The following IARS1 variants were observed in gnomAD, a reference collection of about 807,000 sequenced individuals.
The protein encoded by IARS1 is isoleucyl-tRNA synthetase 1.
IARS1 carries 124 observed loss-of-function variants against 168.2 expected under a neutral mutation model. That is an observed-to-expected ratio of 0.74 (90% CI 0.64 to 0.86). IARS1 has a LOEUF of 0.86. Ranked by LOEUF, IARS1 falls within the 40% of genes least tolerant of loss-of-function variation. IARS1 has a pLI of 0.00. For synonymous variants in IARS1, 532 were observed against 529.4 expected, an observed-to-expected ratio of 1.00 and a Z score of -0.07; for missense variants, 1,452 against 1,515.8, an observed-to-expected ratio of 0.96 and a Z score of 0.70.
chr9:92,249,538 C>G (rs1398882983), intron 25 of IARS1, among the ~76,000 whole-genome samples: 1 of 151,804 alleles, frequency 6.6e-6, no homozygotes, highest in Non-Finnish European at 1.5e-5. Flanking sequence ...GAGTGAGAGA[C>G]TCTGTCGAAA....
At chr9:92,289,988 T>C (rs921062654) in intron 1 of IARS1, among the ~76,000 whole-genome samples, 2 of 152,246 alleles carry the variant, frequency 1.3e-5, no homozygotes, top group African/African-American at 4.8e-5. Flanking sequence ...TTCCACTTTT[T>C]GGTTATTACG....
chr9:92,267,848 T>C (rs1473306150), intron 14 of IARS1, among the ~76,000 whole-genome samples: 1 of 152,186 alleles, frequency 6.6e-6, no homozygotes, highest in Non-Finnish European at 1.5e-5. Flanking sequence ...CATAAGCTAA[T>C]AGTATACCTT....
At chr9:92,262,264 GCA>G (rs796224233) in intron 17 of IARS1, among the ~76,000 whole-genome samples, 2 of 152,184 alleles carry the variant, frequency 1.3e-5, no homozygotes, top group African/African-American at 2.4e-5. Flanking sequence ...ATGTGAAAAT[GCA>G]CACAGTGGGG....
At chr9:92,270,056 A>C (rs1832802400) in intron 12 of IARS1, 73 bp from the exon 13 acceptor site, 3 of 888,100 alleles carry the variant, frequency 3.4e-6, no homozygotes, top group Non-Finnish European at 5.7e-6. Context: ...CTGACTTTTC[A>C]TGTCTTATTG....
chr9:92,258,800 A>C, intron 19 of IARS1, 54 bp downstream of exon 19: 3 of 1,502,948 alleles, frequency 2.0e-6, no homozygotes, highest in Non-Finnish European at 2.7e-6. Context: ...AGCTTGGTGA[A>C]GGGAGCGCTG....
rs1292724314 is a variant in IARS1, at chr9:92,264,994, CTT to C, written c.1633_1634del (p.Lys545GlufsTer4). The C allele has an allele frequency of 9.9e-6, 16 of 1,614,090 alleles. No homozygotes were observed. The highest frequency in any genetic ancestry group is 2.2e-5 in the South Asian group (2 of 91,088). The part of the protein sequence containing the change: ...YAQVHYPFEN[K>X]REFEDAFPAD... The stretch of plus-strand genomic sequence containing the variant: ...CAGGAAAAGCATCCTCAAACTCCCT[CTT>C]GTTTTCAAACGGGTAATGAACCTGA... On this transcript the variant is annotated frameshift_variant, in exon 16 of 34. Coordinates refer to ENST00000443024, the MANE Select transcript of IARS1 (RefSeq NM_002161.6). LOFTEE classifies it high-confidence loss of function.
intron 33 of IARS1, among the ~76,000 whole-genome samples, chr9:92,218,157 G>C (rs1839059100): frequency 6.6e-6 from 1 of 151,324 alleles, no homozygotes; most frequent in Non-Finnish European, 1.5e-5. Context: ...CATATAAACA[G>C]AGCCAAAGAC....
chr9:92,236,691 A>C (rs1208850204), intron 30 of IARS1, among the ~76,000 whole-genome samples: 2 of 152,202 alleles, frequency 1.3e-5, no homozygotes, highest in African/African-American at 2.4e-5. Context: ...CTACAAAAAA[A>C]TACAAAAATT....
intron 5 of IARS1, chr9:92,286,051 T>C (rs1382307522): frequency 4.2e-6 from 2 of 476,910 alleles, no homozygotes; most frequent in African/African-American, 1.9e-5. Context: ...TATCGAATGA[T>C]ATTTAACACA....
intron 30 of IARS1, among the ~76,000 whole-genome samples, chr9:92,230,987 T>A (rs1159842461): frequency 1.3e-5 from 2 of 152,262 alleles, no homozygotes; most frequent in Non-Finnish European, 2.9e-5. Context: ...TCTAGATATG[T>A]CTTTTGTCAA....
chr9:92,232,306 T>C (rs1252936929), intron 30 of IARS1, among the ~76,000 whole-genome samples: 1 of 152,050 alleles, frequency 6.6e-6, no homozygotes, highest in African/African-American at 2.4e-5. Flanking sequence ...GAAGCATTAA[T>C]AGTGGAACAT....
At position 92,243,252 on chromosome 9, in the gene IARS1, C is replaced by T; in HGVS notation, c.2964G>A (p.Arg988=). Residue 988 remains arginine (R), a synonymous_variant, in exon 28 of 34, where the codon CGG becomes CGA. Transcript: ENST00000443024. Reference sequence around the variant, plus strand: ...GTTTCTGTATGCGATTGATGACTTCCCGAGCCATTCCTTCATCTACCATTG... The same window carrying T: ...GTTTCTGTATGCGATTGATGACTTCTCGAGCCATTCCTTCATCTACCATTG... ...DQSMVDEGMA[R]EVINRIQKLR... 6.2e-7 allele frequency: 1 copy of T among 1,613,682 alleles called. No individual in the cohort carries two copies. Among genetic ancestry groups the T allele is most frequent in the Non-Finnish European group, 8.5e-7 (1 of 1,179,698 alleles).
intron 12 of IARS1, among the ~76,000 whole-genome samples, chr9:92,270,406 T>C (rs755420724): frequency 6.6e-6 from 1 of 152,164 alleles, no homozygotes; most frequent in Non-Finnish European, 1.5e-5. Context: ...ATGCTTCTCA[T>C]CCTAAAAAAA....
intron 10 of IARS1, among the ~76,000 whole-genome samples, chr9:92,271,959 G>A (rs1400504277): frequency 6.6e-6 from 1 of 152,172 alleles, no homozygotes; most frequent in East Asian, 1.9e-4. Flanking sequence ...AATTAAGAAA[G>A]TAAAGCAATA....
intron 30 of IARS1, among the ~76,000 whole-genome samples, chr9:92,231,524 C>T (rs1383608684): frequency 6.6e-6 from 1 of 151,048 alleles, no homozygotes; most frequent in African/African-American, 2.4e-5. Context: ...AGTGATTCTC[C>T]TACTTCAGCC....
chr9:92,237,827 T>G (rs1035901362), intron 30 of IARS1, among the ~76,000 whole-genome samples: 1 of 152,220 alleles, frequency 6.6e-6, no homozygotes, highest in East Asian at 1.9e-4. Context: ...TCAACTCACC[T>G]GTATCATTAT....
At chr9:92,214,872 C>A (rs1225134166) in intron 33 of IARS1, among the ~76,000 whole-genome samples, 1 of 152,230 alleles carries the variant, frequency 6.6e-6, no homozygotes, top group Admixed American at 6.5e-5. Flanking sequence ...CCCAGGCTTG[C>A]TTAGGTAAAC....
Position 92,270,983 on chromosome 9 carries a change from A to T in IARS1, c.1205+2T>A. The T allele has an allele frequency of 6.2e-7, 1 of 1,605,724 alleles. No homozygotes were observed. The highest frequency in any genetic ancestry group is 8.5e-7 in the Non-Finnish European group (1 of 1,175,364). The stretch of plus-strand genomic sequence containing the variant: ...TACAACACAGTCTTTGTTTCTTCTG[A>T]CCTCCAGCAAAAAGGGTAGCTGTGA... On this transcript the variant is annotated splice_donor_variant, in intron 12 of 33. Coordinates refer to ENST00000443024, the MANE Select transcript of IARS1 (RefSeq NM_002161.6). LOFTEE classifies it high-confidence loss of function.
intron 1 of IARS1, chr9:92,293,363 C>T: frequency 2.5e-6 from 1 of 402,788 alleles, no homozygotes; most frequent in Non-Finnish European, 5.2e-6. Flanking sequence ...TACGTATTGC[C>T]TATACATAAA....
Sources: allele counts gnomAD v4.1 joint callset (sites outside exome capture counted in the v4.1 genomes callset), GRCh38; gene constraint gnomAD v4.1.1; transcripts MANE v1.5; gene names NCBI Gene and HGNC (gene_info 2026-07-23, HGNC 2026-07-21).